Variants in CNOT8 observed in about 807,000 individuals in gnomAD.
The protein encoded by CNOT8 is CCR4-NOT transcription complex subunit 8, also known as CAF1-like protein.
A neutral mutation model predicts 34.6 loss-of-function variants in CNOT8; 18 were observed. The observed-to-expected ratio is 0.52, with a 90% CI of 0.36 to 0.77. CNOT8 has a LOEUF of 0.77. Among genes scored for constraint, CNOT8 ranks in the 30% least tolerant of loss-of-function variants. The probability of loss-of-function intolerance (pLI) is 0.00; values close to 1 mark genes in which losing one functional copy is unlikely to be tolerated. For missense variants in CNOT8, 189 were observed against 347.9 expected (o/e 0.54, Z 3.63); for synonymous variants, 101 against 118.8 (o/e 0.85, Z 0.98).
chr5:154,871,610 C>A, intron 4 of CNOT8, 120 bp from the exon 5 acceptor site: 6 of 612,976 alleles, frequency 9.8e-6, no homozygotes, highest in Non-Finnish European at 1.7e-5. Context: ...ATAAACTACT[C>A]AGAAAAAGTG....
intron 3 of CNOT8, among the ~76,000 whole-genome samples, chr5:154,866,555 A>C (rs528421661): frequency 6.6e-6 from 1 of 152,312 alleles, no homozygotes; most frequent in East Asian, 1.9e-4. Context: ...ATATAATACA[A>C]GGAAGAAAAA....
intron 1 of CNOT8, 52 bp downstream of exon 1, chr5:154,858,820 A>G (rs1429783764): frequency 2.0e-5 from 3 of 146,648 alleles, no homozygotes; most frequent in Non-Finnish European, 4.5e-5. Flanking sequence ...AAAGAGTGTG[A>G]GAGACCATTG....
chr5:154,868,926 G>T (rs1762184925), intron 3 of CNOT8, among the ~76,000 whole-genome samples: 1 of 152,084 alleles, frequency 6.6e-6, no homozygotes, highest in South Asian at 2.1e-4. Context: ...CAGCCTCTGG[G>T]TCTTTTGCTC....
chr5:154,863,916 AAC>A, intron 2 of CNOT8, among the ~76,000 whole-genome samples: 2 of 152,280 alleles, frequency 1.3e-5, no homozygotes, highest in South Asian at 2.1e-4. Flanking sequence ...AAGTCAATAG[AAC>A]TCACTTGAAT....
chr5:154,861,270 A>C (rs1761309329), intron 1 of CNOT8, among the ~76,000 whole-genome samples: 1 of 152,226 alleles, frequency 6.6e-6, no homozygotes, highest in Non-Finnish European at 1.5e-5. Context: ...CCTGTAATAG[A>C]ACAAAAACAA....
At chr5:154,865,019 G>T (rs925704663) in intron 2 of CNOT8, among the ~76,000 whole-genome samples, 173 bp from the exon 3 acceptor site, 2 of 152,146 alleles carry the variant, frequency 1.3e-5, no homozygotes, top group African/African-American at 4.8e-5. Flanking sequence ...TCCAGCCTGG[G>T]TGACAGAGAC....
chr5:154,858,961 G>A (rs1213704432), intron 1 of CNOT8, 193 bp downstream of exon 1: 1 of 152,022 alleles, frequency 6.6e-6, no homozygotes, highest in Non-Finnish European at 1.5e-5. Flanking sequence ...AATATGTGCG[G>A]GGACTTTACA....
At chr5:154,865,488 TCAGCAAG>T in intron 3 of CNOT8, 103 bp downstream of exon 3, 1 of 694,184 alleles carries the variant, frequency 1.4e-6, no homozygotes, top group Non-Finnish European at 2.2e-6. Context: ...ACAGGGAATC[TCAGCAAG>T]TGAAGTCCTG....
intron 6 of CNOT8, among the ~76,000 whole-genome samples, chr5:154,873,821 C>A (rs2113400716): frequency 6.6e-6 from 1 of 152,102 alleles, no homozygotes; most frequent in Non-Finnish European, 1.5e-5. Context: ...ATGATTTTGC[C>A]CTGGAGGGTA....
intron 1 of CNOT8, among the ~76,000 whole-genome samples, chr5:154,860,122 C>T (rs1401577482): frequency 1.3e-5 from 2 of 152,078 alleles, no homozygotes; most frequent in African/African-American, 4.8e-5. Context: ...AATTAGATTA[C>T]CTTTAGGGGC....
At chr5:154,859,606 CTAGAA>C (rs949302822) in intron 1 of CNOT8, 5 of 152,164 alleles carry the variant, frequency 3.3e-5, no homozygotes, top group Non-Finnish European at 7.3e-5. Flanking sequence ...GTTCAGTCCT[CTAGAA>C]TAAGGAAGTG....
rs536036159 is a variant in CNOT8, at chr5:154,872,003, AAT to A, written c.618+133_618+134del. 4.0e-4 allele frequency: 295 copies of A among 736,490 alleles called. No individual in the cohort carries two copies. In the African/African-American group the frequency reaches 5.1e-3, roughly 13 times the overall value. The allele number at this position is 736,490 out of a possible 1,614,324, so 45.6% of individuals were successfully genotyped here. A position where few individuals can be genotyped will look rare whatever the true frequency, so the allele number is the denominator to read the frequency against. On this transcript the variant is annotated intron_variant, in intron 5 of 6. Coordinates refer to ENST00000285896, the MANE Select transcript of CNOT8 (RefSeq NM_001301073.2). The stretch of plus-strand genomic sequence containing the variant: ...GCTAGTGTGGTGGTAGACAGGGTAT[AAT>A]ATAAAGCTGATTTGGTCAGATATTT...
At position 154,876,332 on chromosome 5, in the gene CNOT8, C is replaced by T. The variant is rs2113425827; in HGVS notation, c.*893C>T. 6.6e-6 allele frequency: 1 copy of T among 152,312 alleles called. No individual in the cohort carries two copies. The highest frequency in any genetic ancestry group is 2.4e-5 in the African/African-American group (1 of 41,570). The allele number at this position is 152,312 out of a possible 1,614,324, so 9.4% of individuals were successfully genotyped here. The stretch of plus-strand genomic sequence containing the variant: ...ATCTGGATTCTCCCACTTCTCTACT[C>T]CATTATTTCTCTACTTTTCCTTCCA... On this transcript the variant is annotated 3_prime_UTR_variant, in exon 7 of 7. Transcript: ENST00000285896.
intron 3 of CNOT8, among the ~76,000 whole-genome samples, chr5:154,868,258 C>CT (rs1309742895): frequency 2.2e-5 from 3 of 134,312 alleles, no homozygotes; most frequent in Admixed American, 7.9e-5. Flanking sequence ...TTTTCTTTTT[C>CT]TTTTCTTTTC....
intron 6 of CNOT8, among the ~76,000 whole-genome samples, chr5:154,875,029 G>A (rs1230820101): frequency 6.6e-6 from 1 of 151,814 alleles, no homozygotes; most frequent in Non-Finnish European, 1.5e-5. Flanking sequence ...TGATTCTTCC[G>A]CCTCAGCCTC....
rs1761512023 is a variant in CNOT8 at position 154,863,103 on chromosome 5, T to G, written c.-72-104T>G. On this transcript the variant is annotated intron_variant, in intron 1 of 6. Transcript: ENST00000285896. ...GGAGAATAAATATAATCTTAATGTT[T>G]TAAACTAATGAAGTGATTGTAAAAT... 4.8e-5 allele frequency: 27 copies of G among 561,478 alleles called. No individual in the cohort carries two copies. In the South Asian group the frequency reaches 5.0e-4, roughly 10 times the overall value. The allele number at this position is 561,478 out of a possible 1,614,324, so 34.8% of individuals were successfully genotyped here.
At chr5:154,858,478 G>A (rs1200759944), upstream of CNOT8, 1 of 152,268 alleles carries the variant, frequency 6.6e-6, no homozygotes, top group Non-Finnish European at 1.5e-5. Flanking sequence ...GGGGAGGAGC[G>A]GGCGTGACCA....
intron 3 of CNOT8, among the ~76,000 whole-genome samples, chr5:154,865,817 C>G (rs1761810903): frequency 6.6e-6 from 1 of 152,170 alleles, no homozygotes. Flanking sequence ...TTTGCAGTTC[C>G]TGAAAAGGTT....
chr5:154,872,248 C>T (rs943406242), intron 5 of CNOT8, among the ~76,000 whole-genome samples: 1 of 152,164 alleles, frequency 6.6e-6, no homozygotes, highest in African/African-American at 2.4e-5. Context: ...TAGAGCTTTG[C>T]TGTCTAGAAT....
Sources: allele counts gnomAD v4.1 joint callset (sites outside exome capture counted in the v4.1 genomes callset), GRCh38; gene constraint gnomAD v4.1.1; transcripts MANE v1.5; gene names NCBI Gene and HGNC (gene_info 2026-07-23, HGNC 2026-07-21).